Variants in GDA observed in about 807,000 individuals in gnomAD.
GDA encodes cytoplasmic PSD-95 interactor.
In GDA, 18 loss-of-function variants were observed where a neutral mutation model predicts 59.6. The observed-to-expected ratio is 0.30, with a 90% CI of 0.21 to 0.45. GDA has a LOEUF of 0.45. Ranked by LOEUF, GDA falls within the 20% of genes least tolerant of loss-of-function variation. The pLI is 1.00. For synonymous variants in GDA, 201 were observed against 201.1 expected (o/e 1.00, Z 0.00); for missense variants, 427 against 552.3 (o/e 0.77, Z 2.27).
Position 72,251,619 on chromosome 9 carries a change from GATTGTTAAGA to G in GDA, c.*3284_*3293del, listed in dbSNP as rs1473648484. 1.3e-5 allele frequency: 2 copies of G among 152,024 alleles called. No individual in the cohort carries two copies. Among genetic ancestry groups the G allele is most frequent in the East Asian group, 3.9e-4 (2 of 5,190 alleles). The allele number at this position is 152,024 out of a possible 1,614,324, so 9.4% of individuals were successfully genotyped here. Reference sequence around the variant, plus strand: ...CTTGAAATGGTTTTTAAATTGTATGGATTGTTAAGAATTGTTGAAAAAAAATTTTTTTTTT... The same window carrying G: ...CTTGAAATGGTTTTTAAATTGTATGGATTGTTGAAAAAAAATTTTTTTTTT... On this transcript the variant is annotated 3_prime_UTR_variant, in exon 14 of 14. Transcript: ENST00000358399.
At chr9:72,256,607 C>T (rs1840889345), downstream of GDA, among the ~76,000 whole-genome samples, 1 of 152,120 alleles carries the variant, frequency 6.6e-6, no homozygotes, top group Non-Finnish European at 1.5e-5. Context: ...TCGAGTAGAG[C>T]GTTCAGCATG....
intron 10 of GDA, 133 bp from the exon 11 acceptor site, chr9:72,241,019 G>A (rs1048556136): frequency 5.0e-5 from 26 of 522,238 alleles, no homozygotes; most frequent in Non-Finnish European, 7.6e-5. Flanking sequence ...CGACTATCTT[G>A]TGTTTATAGT....
upstream of GDA, among the ~76,000 whole-genome samples, chr9:72,148,748 C>T (rs193061140): frequency 6.6e-6 from 1 of 152,288 alleles, no homozygotes; most frequent in African/African-American, 2.4e-5. Flanking sequence ...GCCCACGTGT[C>T]TTGTCCACAG....
intron 1 of GDA, among the ~76,000 whole-genome samples, chr9:72,157,164 C>A (rs866866219): frequency 6.6e-6 from 1 of 151,714 alleles, no homozygotes; most frequent in Non-Finnish European, 1.5e-5. Flanking sequence ...CTCAGCCTCC[C>A]GAGGAGGTGG....
At chr9:72,117,229 G>A (rs1825485381) in intron 1 of GDA, among the ~76,000 whole-genome samples, 1 of 151,720 alleles carries the variant, frequency 6.6e-6, no homozygotes, top group Non-Finnish European at 1.5e-5. Context: ...AATGGACTCT[G>A]GACTCTATCC....
intron 3 of GDA, among the ~76,000 whole-genome samples, chr9:72,203,135 T>TA (rs1184846132): frequency 6.6e-6 from 1 of 152,174 alleles, no homozygotes; most frequent in East Asian, 1.9e-4. Flanking sequence ...TTCCCATCTG[T>TA]AAAAAATAGA....
intron 11 of GDA, among the ~76,000 whole-genome samples, chr9:72,242,858 A>G (rs1839772243): frequency 6.6e-6 from 1 of 152,166 alleles, no homozygotes; most frequent in Non-Finnish European, 1.5e-5. Flanking sequence ...GGTACAAACG[A>G]GTTGTATTTA....
At position 72,250,916 on chromosome 9, in the gene GDA, A is replaced by G; in HGVS notation, c.*2574A>G. 2 of 1,228,106 alleles carry G rather than the reference A, an allele frequency of 1.6e-6. No homozygotes were observed. The highest frequency in any genetic ancestry group is 2.4e-6 in the Non-Finnish European group (2 of 850,050). 76.1% of individuals were successfully genotyped at this position (1,228,106 alleles called of 1,614,324 possible). ...TGCAACCAGAACACAAAAGCAGGCT[A>G]GTCAGCTAAGGTAAATTTCATTTTC... On this transcript the variant is annotated 3_prime_UTR_variant, in exon 14 of 14. Coordinates refer to ENST00000358399, the MANE Select transcript of GDA (RefSeq NM_004293.5).
Position 72,250,603 on chromosome 9 carries a change from G to A in GDA, c.*2261G>A. ...TGTATGCTTTTTTTTCTGTACCACA[G>A]GCATTATCTATACCTGGGGCCAGAT... On this transcript the variant is annotated 3_prime_UTR_variant, in exon 14 of 14. Coordinates refer to ENST00000358399, the MANE Select transcript of GDA (RefSeq NM_004293.5). 1.9e-6 allele frequency: 3 copies of A among 1,544,346 alleles called. No homozygotes were observed. Among genetic ancestry groups the A allele is most frequent in the Non-Finnish European group, 2.6e-6 (3 of 1,153,500 alleles).
At chr9:72,177,855 C>A (rs988463908) in intron 1 of GDA, among the ~76,000 whole-genome samples, 2 of 152,216 alleles carry the variant, frequency 1.3e-5, no homozygotes, top group South Asian at 4.1e-4. Flanking sequence ...TTCATCTTTG[C>A]TAAGTTCCTC....
At chr9:72,213,349 A>C (rs1835631690) in intron 4 of GDA, among the ~76,000 whole-genome samples, 1 of 152,194 alleles carries the variant, frequency 6.6e-6, no homozygotes, top group Admixed American at 6.5e-5. Flanking sequence ...GTAGTGGGTT[A>C]AAGTGATGAA....
At chr9:72,137,242 CTTTTTTTT>C (rs143364725) in intron 1 of GDA, among the ~76,000 whole-genome samples, 2 of 84,506 alleles carry the variant, frequency 2.4e-5, no homozygotes, top group African/African-American at 9.3e-5. Flanking sequence ...TTCTTTTTTT[CTTTTTTTT>C]TTTTTTTTTT....
intron 1 of GDA, among the ~76,000 whole-genome samples, chr9:72,123,222 T>C (rs7023165): frequency 0.74 from 103,900 of 141,078 alleles, 38,744 homozygotes; most frequent in Middle Eastern, 0.8. Flanking sequence ...CTTGCTCTGT[T>C]GCCCAGGCTG....
intron 2 of GDA, among the ~76,000 whole-genome samples, chr9:72,200,661 T>C (rs1428726299): frequency 2.0e-5 from 3 of 152,220 alleles, no homozygotes; most frequent in African/African-American, 7.2e-5. Flanking sequence ...TTCCGTTTTA[T>C]GACGGGAGAG....
At chr9:72,159,502 T>C (rs1237723276) in intron 1 of GDA, among the ~76,000 whole-genome samples, 1 of 152,190 alleles carries the variant, frequency 6.6e-6, no homozygotes, top group East Asian at 1.9e-4. Flanking sequence ...GCCCATTGAT[T>C]CATGAATTAA....
At chr9:72,195,712 A>C (rs1833091969) in intron 2 of GDA, 124 bp downstream of exon 2, 1 of 375,274 alleles carries the variant, frequency 2.7e-6, no homozygotes, top group East Asian at 4.4e-5. Context: ...ATTTTGTATT[A>C]ATTATTTGTT....
intron 11 of GDA, among the ~76,000 whole-genome samples, chr9:72,244,828 A>AG (rs1177025366): frequency 6.6e-6 from 1 of 152,194 alleles, no homozygotes; most frequent in African/African-American, 2.4e-5. Context: ...TGTTGCTTAG[A>AG]GGGATAAATG....
chr9:72,242,669 TTTTTGTTTTTG>T (rs1466290722), intron 11 of GDA, among the ~76,000 whole-genome samples: 2 of 152,150 alleles, frequency 1.3e-5, no homozygotes, highest in Non-Finnish European at 2.9e-5. Flanking sequence ...ACAATGTTGT[TTTTTGTTTTTG>T]TTTTGTTTTG....
At position 72,157,667 on chromosome 9, in the gene GDA, A is replaced by G. The variant is rs1386634430; in HGVS notation, c.123+7985A>G. Among the ~76,000 whole-genome samples, 3 of 152,144 alleles carry G rather than the reference A, an allele frequency of 2.0e-5. No individual in the cohort carries two copies. In the East Asian group the frequency reaches 5.8e-4, roughly 29 times the overall value. On this transcript the variant is annotated intron_variant, in intron 1 of 13. Transcript: ENST00000358399. ...TCTCTCATTCTAGTATTTCCCCCAC[A>G]TTACTGAAAACTCTTTTCTTGGACC...
Sources: gnomAD v4.1 joint callset for allele counts (sites outside exome capture counted in the v4.1 genomes callset) on GRCh38, gnomAD v4.1.1 for gene constraint, MANE v1.5 for transcripts, NCBI Gene and HGNC (gene_info 2026-07-23, HGNC 2026-07-21) for gene names.